The following BRD4 variants were observed in gnomAD, a reference collection of about 807,000 sequenced individuals.
BRD4 encodes the protein bromodomain containing 4.
BRD4 carries 16 observed loss-of-function variants against 142.1 expected under a neutral mutation model. The ratio of observed to expected loss-of-function variants is 0.11; its 90% CI spans 0.08 to 0.17. The LOEUF is 0.17. BRD4 is among the 10% of genes least tolerant of loss of function. The pLI is 1.00. For missense variants in BRD4, 1,424 were observed against 1,810.9 expected (o/e 0.79, Z 3.88); for synonymous variants, 833 against 707.5 (o/e 1.18, Z -2.82).
intron 2 of BRD4, among the ~76,000 whole-genome samples, chr19:15,270,140 C>T (rs1031186792): frequency 7.2e-5 from 11 of 152,184 alleles, no homozygotes; most frequent in Non-Finnish European, 1.3e-4. Flanking sequence ...TGGAGTCCCA[C>T]GGTAGAGGCA....
chr19:15,315,288 T>C (rs568213413), intron 1 of BRD4, among the ~76,000 whole-genome samples: 4 of 152,232 alleles, frequency 2.6e-5, no homozygotes, highest in African/African-American at 9.6e-5. Context: ...ACCACCTTTC[T>C]AGCACAGGGG....
intron 11 of BRD4, chr19:15,253,448 G>T (rs199897694): frequency 7.2e-6 from 8 of 1,117,846 alleles, no homozygotes; most frequent in Non-Finnish European, 1.0e-5. Context: ...GCTCTAATGG[G>T]GAACCCAGGG....
intron 1 of BRD4, among the ~76,000 whole-genome samples, chr19:15,293,294 T>C (rs1030536602): frequency 2.6e-5 from 4 of 151,942 alleles, no homozygotes; most frequent in Non-Finnish European, 4.4e-5. Context: ...AAACCAGAAG[T>C]CCTAGGAGGG....
rs147529868 is a variant in BRD4 at position 15,328,551 on chromosome 19, A to G, written c.-35+3739T>C. The stretch of plus-strand genomic sequence containing the variant: ...CAGCGTTATCTTAGTTGAAACTCAC[A>G]TTCCTTGTAAGTCACTACCGAACAA... On this transcript the variant is annotated intron_variant, in intron 1 of 19. Coordinates refer to ENST00000679869, the MANE Select transcript of BRD4 (RefSeq NM_001379291.1). 3.7e-3 allele frequency among the ~76,000 whole-genome samples: 569 copies of G among 152,336 alleles called. 2 individuals are homozygous for G. The highest frequency in any genetic ancestry group is 0.013 in the African/African-American group (549 of 41,584).
chr19:15,238,366 C>T lies in BRD4; in HGVS notation c.*11G>A, dbSNP rs777756355. 8.7e-6 allele frequency: 14 copies of T among 1,614,036 alleles called. 1 individual carries two copies. In the South Asian group the frequency reaches 1.3e-4, roughly 15 times the overall value. On this transcript the variant is annotated 3_prime_UTR_variant, in exon 20 of 20. Coordinates refer to ENST00000679869, the MANE Select transcript of BRD4 (RefSeq NM_001379291.1). This position sits in a 1 kb window ranked among gnomAD's most constrained non-coding sequence, Gnocchi z 7.2. ...GCCAGAAAATCAAAGTCAGAAGCCA[C>T]CTAGGTGCGCTCAGAAAAGATTTTC...
intron 1 of BRD4, among the ~76,000 whole-genome samples, chr19:15,286,507 T>A (rs1276832506): frequency 6.6e-6 from 1 of 152,210 alleles, no homozygotes; most frequent in Non-Finnish European, 1.5e-5. Flanking sequence ...CATGCCATTT[T>A]AAAATTTCTA....
intron 10 of BRD4, 50 bp downstream of exon 10, chr19:15,255,245 ACT>A (rs1244537947): frequency 3.9e-6 from 6 of 1,541,440 alleles, no homozygotes; most frequent in Admixed American, 1.9e-5. Context: ...GGGAAAAGTT[ACT>A]CTGAGGGTGC....
chr19:15,249,911 T>G (rs147311078), intron 11 of BRD4, among the ~76,000 whole-genome samples: 1 of 152,272 alleles, frequency 6.6e-6, no homozygotes, highest in South Asian at 2.1e-4. Flanking sequence ...GAACCTATTA[T>G]ATACACTGTT....
chr19:15,327,495 G>T (rs780612283), intron 1 of BRD4, among the ~76,000 whole-genome samples: 1 of 152,012 alleles, frequency 6.6e-6, no homozygotes, highest in African/African-American at 2.4e-5. Context: ...AGTGGGCTGA[G>T]ATCGTGCCAC....
chr19:15,320,069 C>T (rs2048048665), intron 1 of BRD4, among the ~76,000 whole-genome samples: 1 of 152,154 alleles, frequency 6.6e-6, no homozygotes, highest in Non-Finnish European at 1.5e-5. Context: ...TGCCTATGTG[C>T]ATTTTTGTGG....
intron 1 of BRD4, among the ~76,000 whole-genome samples, chr19:15,279,846 AC>A (rs759740180): frequency 6.6e-6 from 1 of 152,014 alleles, no homozygotes; most frequent in Non-Finnish European, 1.5e-5. Context: ...ACCTCTTGAA[AC>A]CCAGTAATCC....
chr19:15,244,379 C>A lies in BRD4; in HGVS notation c.2433G>T (p.Gln811His). The change falls in exon 13 of 20, where the codon CAG becomes CAT. Residue 811 changes from glutamine (Q) to histidine (H), a missense_variant. Gln to His is a conservative substitution (Grantham distance 24). Transcript: ENST00000679869. ...TGGGGTCAAAGACGCTGCCTGGGAGCTGGGGCTCCAGGACGGGCACCTGGG... is the reference window on the plus strand; with the variant it reads ...TGGGGTCAAAGACGCTGCCTGGGAGATGGGGCTCCAGGACGGGCACCTGGG... ...IATQVPVLEP[Q>H]LPGSVFDPIG... The A allele has an allele frequency of 6.6e-7, 1 of 1,510,040 alleles. No homozygotes were observed. The allele number at this position is 1,510,040 out of a possible 1,614,324, so 93.5% of individuals were successfully genotyped here.
At chr19:15,297,317 T>C (rs1165405157) in intron 1 of BRD4, among the ~76,000 whole-genome samples, 1 of 152,180 alleles carries the variant, frequency 6.6e-6, no homozygotes, top group Non-Finnish European at 1.5e-5. Flanking sequence ...AGCTGCTCCT[T>C]CTGCAGTCCT....
chr19:15,285,240 C>T (rs1434910096), intron 1 of BRD4, among the ~76,000 whole-genome samples: 1 of 152,170 alleles, frequency 6.6e-6, no homozygotes, highest in Non-Finnish European at 1.5e-5. Flanking sequence ...CAATAGAAAC[C>T]AAAACCCAGG....
Position 15,243,333 on chromosome 19 carries a change from C to A in BRD4, c.2736G>T (p.Leu912=). 1 of 1,373,000 alleles carries A rather than the reference C, an allele frequency of 7.3e-7. No homozygotes were observed. Among genetic ancestry groups the A allele is most frequent in the Middle Eastern group, 2.2e-4 (1 of 4,586 alleles). The allele number at this position is 1,373,000 out of a possible 1,614,324, so 85.1% of individuals were successfully genotyped here. Residue 912 remains leucine, a synonymous_variant, in exon 14 of 20, where the codon CTG becomes CTT. Coordinates refer to ENST00000679869, the MANE Select transcript of BRD4 (RefSeq NM_001379291.1). ...QPPMAQPPQV[L]LEDEEPPAPP... is the part of the protein sequence containing the mutation. ...GGGCAGGTGGCTCTTCATCCTCCAG[C>A]AGCACTTGGGGGGGTTGGGCCATGG...
chr19:15,239,092 T>C lies in BRD4; in HGVS notation c.3749A>G (p.Lys1250Arg). Residue 1250 changes from lysine to arginine, a missense_variant, in exon 18 of 20, where the codon AAG becomes AGG. Lys to Arg is a conservative substitution (Grantham distance 26). Around this residue, in one of 16 missense-constraint regions of BRD4, gnomAD observed 109 missense variants for 117.9 expected, o/e 0.92. Coordinates refer to ENST00000679869, the MANE Select transcript of BRD4 (RefSeq NM_001379291.1). The surrounding 1 kb of genome is among the most constrained non-coding windows in gnomAD (Gnocchi z 7.4). ...CTCCTGCCGCAGCCGCTCCTTCTCC[T>C]TCTCAGCGTGCTCGGCCTGAGCCTT... ...ALKAQAEHAEKEKERLRQERM... is the reference protein window; with the variant it reads ...ALKAQAEHAEREKERLRQERM... The C allele has an allele frequency of 6.2e-7, 1 of 1,606,314 alleles. No homozygotes were observed. Among genetic ancestry groups the C allele is most frequent in the Non-Finnish European group, 8.5e-7 (1 of 1,179,186 alleles).
Position 15,237,043 on chromosome 19 carries a change from G to C in BRD4, c.*1334C>G, listed in dbSNP as rs1009977715. On this transcript the variant is annotated 3_prime_UTR_variant, in exon 20 of 20. Coordinates refer to ENST00000679869, the MANE Select transcript of BRD4 (RefSeq NM_001379291.1). ...AAAAAAAAAAAAAAAAAAAAGCATG[G>C]GCAGGAGCGGCCAGCTGGTTGGGGC... The C allele has an allele frequency of 9.6e-6, 2 of 209,100 alleles. No individual in the cohort carries two copies. Among genetic ancestry groups the C allele is most frequent in the African/African-American group, 2.3e-5 (1 of 43,398 alleles). 13.0% of individuals were successfully genotyped at this position (209,100 alleles called of 1,614,324 possible). A position where few individuals can be genotyped will look rare whatever the true frequency, so the allele number is the denominator to read the frequency against.
chr19:15,295,437 T>G (rs1185711759), intron 1 of BRD4, among the ~76,000 whole-genome samples: 1 of 152,244 alleles, frequency 6.6e-6, no homozygotes, highest in South Asian at 2.1e-4. Flanking sequence ...TCCTCCATTT[T>G]TGCTAATTTC....
chr19:15,329,080 CTTTT>C (rs999954374), intron 1 of BRD4, among the ~76,000 whole-genome samples: 4 of 143,852 alleles, frequency 2.8e-5, no homozygotes, highest in African/African-American at 5.1e-5. Context: ...GCGCATTCTG[CTTTT>C]TTTTTTTTTA....
Sources: gnomAD v4.1 joint callset for allele counts (sites outside exome capture counted in the v4.1 genomes callset) on GRCh38, gnomAD v4.1.1 for gene constraint, gnomAD v4.1.1 regional missense constraint, Gnocchi (gnomAD v3.1) non-coding constraint, MANE v1.5 for transcripts, NCBI Gene and HGNC (gene_info 2026-07-23, HGNC 2026-07-21) for gene names.